LRFN2: variants seen among roughly 807,000 people sequenced by gnomAD.
The protein encoded by LRFN2 is leucine-rich repeat and fibronectin type-III domain-containing protein 2.
LRFN2 carries 18 observed loss-of-function variants against 37.3 expected under a neutral mutation model. The observed-to-expected ratio is 0.48, with a 90% CI of 0.33 to 0.72. LRFN2 has a LOEUF of 0.72. Ranked by LOEUF, LRFN2 falls within the 30% of genes least tolerant of loss-of-function variation. LRFN2 has a pLI of 0.02. For synonymous variants in LRFN2, 556 were observed against 466.6 expected (o/e 1.19, Z -2.47); for missense variants, 1,006 against 1,060.7 (o/e 0.95, Z 0.72).
chr6:40,507,626 GAA>G (rs571248350), intron 1 of LRFN2, among the ~76,000 whole-genome samples: 1 of 152,184 alleles, frequency 6.6e-6, no homozygotes, highest in Non-Finnish European at 1.5e-5. Context: ...TTTCTCCTCT[GAA>G]AATTGGGAAG....
In LRFN2 at chr6:40,392,009, C is replaced by T. The variant is rs372038448; in HGVS notation, c.2304G>A (p.Glu768=). The part of the protein sequence containing the change: ...SVNGMLLPFE[E]SDLVGARGTF... ...TCCCCCGGGCCCCCACCAGGTCACTCTCCTCAAAGGGCAAGAGCATGCCGT... is the reference window on the plus strand; with the variant it reads ...TCCCCCGGGCCCCCACCAGGTCACTTTCCTCAAAGGGCAAGAGCATGCCGT... Residue 768 remains glutamate, a synonymous_variant, in exon 3 of 3, where the codon GAG becomes GAA. Transcript: ENST00000338305. The surrounding 1 kb of genome is among the most constrained non-coding windows in gnomAD (Gnocchi z 4.7). 15 of 1,610,742 alleles carry T rather than the reference C, an allele frequency of 9.3e-6. No homozygotes were observed. The Admixed American group carries it at 1.3e-4, about 14-fold the overall frequency.
At chr6:40,533,344 T>A (rs925228037) in intron 1 of LRFN2, among the ~76,000 whole-genome samples, 3 of 151,318 alleles carry the variant, frequency 2.0e-5, no homozygotes, top group Non-Finnish European at 2.9e-5. Flanking sequence ...ATGAGTGGGA[T>A]GTTTTCTACT....
intron 1 of LRFN2, among the ~76,000 whole-genome samples, chr6:40,513,327 G>A (rs772850057): frequency 1.5e-4 from 22 of 151,714 alleles, no homozygotes; most frequent in African/African-American, 3.4e-4. Context: ...TCTGCCTCCC[G>A]GATTCAAGCA....
chr6:40,473,965 C>T lies in LRFN2; in HGVS notation c.-18-40834G>A, dbSNP rs758707098. On this transcript the variant is annotated intron_variant, in intron 1 of 2. Transcript: ENST00000338305. Reference sequence around the variant, plus strand: ...TACACACTGCCTCGCACACATGCCTCCTCACTCACCGGAATGCAAACACCC... The same window carrying T: ...TACACACTGCCTCGCACACATGCCTTCTCACTCACCGGAATGCAAACACCC... Among the ~76,000 whole-genome samples the T allele has an allele frequency of 7.9e-4, 121 of 152,310 alleles. 1 individual carries two copies. Among genetic ancestry groups the T allele is most frequent in the Middle Eastern group, 3.4e-3 (1 of 294 alleles).
intron 1 of LRFN2, among the ~76,000 whole-genome samples, chr6:40,577,230 T>G (rs1293897110): frequency 1.3e-5 from 2 of 152,070 alleles, no homozygotes; most frequent in African/African-American, 4.8e-5. Flanking sequence ...GCCTCCCAAG[T>G]AGCCGGGACT....
At chr6:40,510,458 A>T (rs77227912) in intron 1 of LRFN2, among the ~76,000 whole-genome samples, 2,877 of 152,236 alleles carry the variant, frequency 0.019, 29 homozygotes, top group Non-Finnish European at 0.024. Flanking sequence ...AGCTGAGTCA[A>T]CTCCCTCACA....
chr6:40,480,607 C>A (rs1764806967), intron 1 of LRFN2, among the ~76,000 whole-genome samples: 2 of 152,058 alleles, frequency 1.3e-5, no homozygotes, highest in Non-Finnish European at 2.9e-5. Context: ...CCATGTACAT[C>A]AGGGATTATG....
At chr6:40,463,746 G>A (rs1004022992) in intron 1 of LRFN2, among the ~76,000 whole-genome samples, 2 of 137,316 alleles carry the variant, frequency 1.5e-5, no homozygotes, top group Admixed American at 8.5e-5. Context: ...GCACGATCAC[G>A]GCTCACTGCA....
intron 1 of LRFN2, among the ~76,000 whole-genome samples, chr6:40,559,922 G>A (rs538618036): frequency 6.6e-5 from 10 of 152,178 alleles, no homozygotes; most frequent in South Asian, 4.1e-4. Context: ...TCCCTCTTCC[G>A]TTCCCAGGCA....
chr6:40,547,981 C>G (rs1766696446), intron 1 of LRFN2, among the ~76,000 whole-genome samples: 1 of 152,042 alleles, frequency 6.6e-6, no homozygotes, highest in African/African-American at 2.4e-5. Context: ...CTGATGGGAC[C>G]CTGAACAATA....
chr6:40,400,124 C>T (rs927086620), intron 2 of LRFN2, among the ~76,000 whole-genome samples: 3 of 151,848 alleles, frequency 2.0e-5, no homozygotes, highest in Non-Finnish European at 4.4e-5. Flanking sequence ...CCTCCCACAA[C>T]CACTCTTACA....
chr6:40,487,415 C>T (rs1489645283), intron 1 of LRFN2, among the ~76,000 whole-genome samples: 1 of 152,208 alleles, frequency 6.6e-6, no homozygotes, highest in Non-Finnish European at 1.5e-5. Context: ...CCAGATCTGG[C>T]AGGGCGTCAA....
chr6:40,575,617 C>T (rs924963255), intron 1 of LRFN2, among the ~76,000 whole-genome samples: 1 of 152,150 alleles, frequency 6.6e-6, no homozygotes, highest in African/African-American at 2.4e-5. Context: ...CCAGGCCTTT[C>T]CCCTGGGTGC....
intron 2 of LRFN2, among the ~76,000 whole-genome samples, chr6:40,421,141 T>C (rs1355524411): frequency 1.3e-5 from 2 of 152,178 alleles, no homozygotes; most frequent in Admixed American, 1.3e-4. Flanking sequence ...GAGCCACACA[T>C]TAAGAATAAT....
Position 40,432,816 on chromosome 6 carries a change from C to G in LRFN2, c.298G>C (p.Glu100Gln). 6.2e-7 allele frequency: 1 copy of G among 1,614,178 alleles called. No individual in the cohort carries two copies. The highest frequency in any genetic ancestry group is 8.5e-7 in the Non-Finnish European group (1 of 1,180,040). Reference sequence around the variant, plus strand: ...TCAAGATGCAGGGAGCGGAGGCTCTCGAGGTCCAGAAAGGAAAAGGGCTGG... The same window carrying G: ...TCAAGATGCAGGGAGCGGAGGCTCTGGAGGTCCAGAAAGGAAAAGGGCTGG... ...HIQPFSFLDL[E>Q]SLRSLHLDSN... Residue 100 changes from glutamate to glutamine, a missense_variant, in exon 2 of 3, where the codon GAG (glutamate) becomes CAG (glutamine). By Grantham distance (29) the Glu-to-Gln change is conservative. Coordinates refer to ENST00000338305, the MANE Select transcript of LRFN2 (RefSeq NM_020737.3).
chr6:40,542,933 A>G (rs1766583009), intron 1 of LRFN2, among the ~76,000 whole-genome samples: 1 of 152,216 alleles, frequency 6.6e-6, no homozygotes, highest in Non-Finnish European at 1.5e-5. Flanking sequence ...AGCACCCTCT[A>G]GACAGAGGCT....
intron 1 of LRFN2, among the ~76,000 whole-genome samples, chr6:40,538,451 A>C (rs1157208864): frequency 2.0e-5 from 3 of 152,218 alleles, no homozygotes; most frequent in Non-Finnish European, 4.4e-5. Flanking sequence ...TCAGAAACAC[A>C]ATGGGTCCAA....
intron 1 of LRFN2, among the ~76,000 whole-genome samples, chr6:40,479,758 G>A (rs2113862675): frequency 6.6e-6 from 1 of 152,270 alleles, no homozygotes; most frequent in East Asian, 1.9e-4. Flanking sequence ...TCACCACAGA[G>A]CCCACCTACA....
chr6:40,528,513 T>C (rs1426785690), intron 1 of LRFN2, among the ~76,000 whole-genome samples: 1 of 152,172 alleles, frequency 6.6e-6, no homozygotes, highest in African/African-American at 2.4e-5. Context: ...CCCTCTTAGC[T>C]AAGGGAGTCA....
Sources: allele counts gnomAD v4.1 joint callset (sites outside exome capture counted in the v4.1 genomes callset), GRCh38; gene constraint gnomAD v4.1.1; non-coding constraint Gnocchi (gnomAD v3.1); transcripts MANE v1.5; gene names NCBI Gene and HGNC (gene_info 2026-07-23, HGNC 2026-07-21).